ARNT2: variants seen among roughly 807,000 people sequenced by gnomAD.
ARNT2 encodes the protein aryl hydrocarbon receptor nuclear translocator 2, also known as ARNT protein 2.
A neutral mutation model predicts 91.7 loss-of-function variants in ARNT2; 36 were observed. That is an observed-to-expected ratio of 0.39 (90% CI 0.30 to 0.52). ARNT2 has a LOEUF of 0.52. ARNT2 is among the 20% of genes least tolerant of loss of function. The pLI is 0.72. For synonymous variants in ARNT2, 365 were observed against 347.1 expected, an observed-to-expected ratio of 1.05 and a Z score of -0.57; for missense variants, 775 against 939.3, an observed-to-expected ratio of 0.83 and a Z score of 2.29.
rs529298457 is a variant in ARNT2 at position 80,557,117 on chromosome 15, G to A, written c.1164+1978G>A. ...TCCTATTGAAGGCGTTGCTATGTTT[G>A]CACAAATTGACACAGGACTCCAAAT... On this transcript the variant is annotated intron_variant, in intron 11 of 18. Transcript: ENST00000303329. 2.0e-5 allele frequency among the ~76,000 whole-genome samples: 3 copies of A among 152,246 alleles called. No homozygotes were observed. The South Asian group carries it at 6.2e-4, about 32-fold the overall frequency.
At position 80,536,839 on chromosome 15, in the gene ARNT2, C is replaced by G. The variant is rs557924588; in HGVS notation, c.878-14360C>G. 3.2e-4 allele frequency among the ~76,000 whole-genome samples: 49 copies of G among 152,210 alleles called. No homozygotes were observed. The South Asian group carries it at 6.0e-3, about 19-fold the overall frequency. On this transcript the variant is annotated intron_variant, in intron 8 of 18. Transcript: ENST00000303329. ...GGCTGCACAGAGACCTTGTTCCTGT[C>G]AGCTGAGATTTGTAAAGGGGTAATT... is the stretch of plus-strand genomic sequence containing the variant.
At chr15:80,426,122 A>G (rs1189666357) in intron 1 of ARNT2, among the ~76,000 whole-genome samples, 2 of 151,962 alleles carry the variant, frequency 1.3e-5, no homozygotes, top group Admixed American at 6.5e-5. Context: ...ACTCTCTTCA[A>G]TGAAGATTGC....
intron 3 of ARNT2, among the ~76,000 whole-genome samples, chr15:80,467,891 T>A (rs1177579181): frequency 6.6e-6 from 1 of 152,114 alleles, no homozygotes; most frequent in African/African-American, 2.4e-5. Flanking sequence ...ATTTACCTAA[T>A]TTATGGAGAG....
At chr15:80,459,315 G>C (rs8041214) in intron 3 of ARNT2, among the ~76,000 whole-genome samples, 23,726 of 152,174 alleles carry the variant, frequency 0.16, 1,947 homozygotes, top group African/African-American at 0.21. Context: ...TTCCCTCGGT[G>C]CAGACAGAAT....
At chr15:80,550,566 C>G (rs1898066083) in intron 8 of ARNT2, among the ~76,000 whole-genome samples, 1 of 152,132 alleles carries the variant, frequency 6.6e-6, no homozygotes, top group Non-Finnish European at 1.5e-5. Context: ...GATACCAGAC[C>G]CACATTGGAC....
At chr15:80,503,611 G>A (rs1174221058) in intron 5 of ARNT2, among the ~76,000 whole-genome samples, 1 of 152,334 alleles carries the variant, frequency 6.6e-6, no homozygotes, top group Admixed American at 6.5e-5. Context: ...GAAACCATTT[G>A]CCATTTGGTA....
intron 12 of ARNT2, among the ~76,000 whole-genome samples, chr15:80,569,191 G>C (rs1898540775): frequency 6.6e-6 from 1 of 152,182 alleles, no homozygotes; most frequent in Non-Finnish European, 1.5e-5. Flanking sequence ...TACTCAGGCT[G>C]AGTAAAAACC....
chr15:80,443,662 G>A (rs1167666489), intron 1 of ARNT2, among the ~76,000 whole-genome samples: 1 of 152,204 alleles, frequency 6.6e-6, no homozygotes, highest in Non-Finnish European at 1.5e-5. Flanking sequence ...AACAGGCAGA[G>A]GAGGCCTAGG....
intron 12 of ARNT2, among the ~76,000 whole-genome samples, chr15:80,569,982 A>G (rs2141473317): frequency 6.6e-6 from 1 of 152,150 alleles, no homozygotes; most frequent in Admixed American, 6.5e-5. Flanking sequence ...TCAACCCCAC[A>G]AAAGTCCCAA....
intron 15 of ARNT2, 37 bp downstream of exon 15, chr15:80,577,002 T>C: frequency 6.3e-7 from 1 of 1,598,980 alleles, no homozygotes; most frequent in Non-Finnish European, 8.6e-7. Flanking sequence ...CGTGGGAAGA[T>C]GCTCCCTCAC....
At position 80,580,446 on chromosome 15, in the gene ARNT2, T is replaced by C. The variant is rs1245617754; in HGVS notation, c.1649T>C (p.Ile550Thr). The C allele has an allele frequency of 2.5e-6, 4 of 1,614,156 alleles. No individual in the cohort carries two copies. The East Asian group carries it at 6.7e-5, about 27-fold the overall frequency. ...SVVHVPGVND[I>T]QSSSSTGQNM... Reference sequence around the variant, plus strand: ...GTTCATGTGCCTGGAGTGAATGATATTCAGTCCTCTTCTTCCACGGGCCAG... The same window carrying C: ...GTTCATGTGCCTGGAGTGAATGATACTCAGTCCTCTTCTTCCACGGGCCAG... The change falls in exon 16 of 19, where the codon ATT becomes ACT. Residue 550 changes from isoleucine (I) to threonine (T), a missense_variant. By Grantham distance (89) the Ile-to-Thr change is moderately conservative. This residue lies in a region of ARNT2 where 325 missense variants were observed against 359.9 expected (regional missense o/e 0.90). Coordinates refer to ENST00000303329, the MANE Select transcript of ARNT2 (RefSeq NM_014862.4).
chr15:80,454,886 A>G (rs538372034), intron 2 of ARNT2, among the ~76,000 whole-genome samples: 1 of 152,346 alleles, frequency 6.6e-6, no homozygotes, highest in Admixed American at 6.5e-5. Context: ...AGGCTCATCG[A>G]CGGAAAAGTA....
At position 80,595,770 on chromosome 15, in the gene ARNT2, A is replaced by G. The variant is rs1442279116; in HGVS notation, c.*2072A>G. The G allele has an allele frequency of 6.6e-6, 1 of 152,392 alleles. No individual in the cohort carries two copies. The highest frequency in any genetic ancestry group is 1.9e-4 in the East Asian group (1 of 5,178). 9.4% of individuals were successfully genotyped at this position (152,392 alleles called of 1,614,324 possible). ...AAATGGCAGGTGGTTGAAACCCTGC[A>G]CATCCTCCCAGGGCCAGCCCCAGAA... is the stretch of plus-strand genomic sequence containing the variant. On this transcript the variant is annotated 3_prime_UTR_variant, in exon 19 of 19. Transcript: ENST00000303329.
At chr15:80,566,486 G>A (rs1898485874) in intron 12 of ARNT2, among the ~76,000 whole-genome samples, 1 of 151,972 alleles carries the variant, frequency 6.6e-6, no homozygotes, top group African/African-American at 2.4e-5. Flanking sequence ...CATCCTCCTT[G>A]TTGGCTCCTT....
chr15:80,423,310 G>A (rs1296003268), intron 1 of ARNT2, among the ~76,000 whole-genome samples: 2 of 152,150 alleles, frequency 1.3e-5, no homozygotes, highest in African/African-American at 4.8e-5. Flanking sequence ...ACAAAGAGTT[G>A]AGGACTGATG....
chr15:80,471,040 G>A (rs1249032826), intron 4 of ARNT2, among the ~76,000 whole-genome samples: 1 of 152,204 alleles, frequency 6.6e-6, no homozygotes, highest in African/African-American at 2.4e-5. Context: ...TTATACCCAA[G>A]GGAATATAAA....
In ARNT2 at chr15:80,513,673, A is replaced by G. The variant is rs189443672; in HGVS notation, c.726-238A>G. Among the ~76,000 whole-genome samples the G allele has an allele frequency of 1.4e-4, 19 of 140,682 alleles. No individual in the cohort carries two copies. The East Asian group carries it at 3.8e-3, about 28-fold the overall frequency. 92.3% of individuals were successfully genotyped at this position (140,682 alleles called of 152,430 possible). ...AGCTCCTGGACTGGGCCCTGAAACA[A>G]TTTCAGTGTGTGTTGTAATGTGGGT... On this transcript the variant is annotated intron_variant, in intron 6 of 18. Transcript: ENST00000303329.
intron 8 of ARNT2, among the ~76,000 whole-genome samples, chr15:80,531,735 G>A (rs1897744068): frequency 6.6e-6 from 1 of 152,202 alleles, no homozygotes; most frequent in South Asian, 2.1e-4. Context: ...GTCCATAGTG[G>A]AGTGTCAGAT....
intron 3 of ARNT2, among the ~76,000 whole-genome samples, chr15:80,462,119 A>G: frequency 6.6e-6 from 1 of 152,060 alleles, no homozygotes; most frequent in South Asian, 2.1e-4. Flanking sequence ...CACGTCCTGC[A>G]ACCTCACACT....
Sources: allele counts gnomAD v4.1 joint callset (sites outside exome capture counted in the v4.1 genomes callset), GRCh38; gene constraint gnomAD v4.1.1; regional missense constraint gnomAD v4.1.1; transcripts MANE v1.5; gene names NCBI Gene and HGNC (gene_info 2026-07-23, HGNC 2026-07-21).